TARBP1: variants seen among roughly 807,000 people sequenced by gnomAD.
The protein encoded by TARBP1 is tRNA guanosine 2 -O-methyltransferase TARBP1.
A neutral mutation model predicts 178.6 loss-of-function variants in TARBP1; 144 were observed. The observed-to-expected ratio is 0.81, with a 90% confidence interval of 0.70 to 0.93. TARBP1 has a LOEUF of 0.93. Among genes scored for constraint, TARBP1 ranks in the 40% least tolerant of loss-of-function variants. TARBP1 has a pLI of 0.00. For missense variants in TARBP1, 2,067 were observed against 2,011.7 expected (o/e 1.03, Z -0.53); for synonymous variants, 787 against 781.0 (o/e 1.01, Z -0.13).
At chr1:234,417,350 AAGAAT>A (rs1662539894) in intron 22 of TARBP1, among the ~76,000 whole-genome samples, 1 of 152,220 alleles carries the variant, frequency 6.6e-6, no homozygotes, top group Non-Finnish European at 1.5e-5. Context: ...TGTGAAAAAA[AAGAAT>A]AAGGATATCT....
intron 5 of TARBP1, among the ~76,000 whole-genome samples, chr1:234,464,996 A>G (rs1668278819): frequency 6.6e-6 from 1 of 152,192 alleles, no homozygotes; most frequent in African/African-American, 2.4e-5. Context: ...GTTAGAATGA[A>G]CCTTGCAGTA....
chr1:234,430,521 A>G (rs17378041), intron 14 of TARBP1, among the ~76,000 whole-genome samples: 5,299 of 152,310 alleles, frequency 0.035, 122 homozygotes, highest in Non-Finnish European at 0.044. Flanking sequence ...ATAAGAACTC[A>G]GCAATTTAGA....
intron 7 of TARBP1, 98 bp from the exon 8 acceptor site, chr1:234,459,424 T>TGCATTAGG: frequency 2.2e-6 from 2 of 888,966 alleles, no homozygotes; most frequent in Non-Finnish European, 1.7e-6. Flanking sequence ...CTACACTTCC[T>TGCATTAGG]AATGCAGAAA....
At chr1:234,457,919 T>A (rs1667443491) in intron 8 of TARBP1, among the ~76,000 whole-genome samples, 163 bp from the exon 9 acceptor site, 1 of 149,508 alleles carries the variant, frequency 6.7e-6, no homozygotes. Context: ...AGAAAGCAAA[T>A]AAAAAGAAAA....
intron 22 of TARBP1, among the ~76,000 whole-genome samples, chr1:234,412,960 G>A (rs1042459971): frequency 7.2e-5 from 11 of 152,164 alleles, no homozygotes; most frequent in Admixed American, 3.9e-4. Flanking sequence ...GAGGTTGGAT[G>A]AGCACTTGCA....
intron 24 of TARBP1, among the ~76,000 whole-genome samples, chr1:234,404,373 A>G (rs933652759): frequency 3.3e-5 from 5 of 152,252 alleles, no homozygotes; most frequent in African/African-American, 9.6e-5. Context: ...ATTAAATTAC[A>G]TAATAAAATA....
intron 8 of TARBP1, 32 bp from the exon 9 acceptor site, chr1:234,457,788 C>T: frequency 1.3e-6 from 2 of 1,526,502 alleles, no homozygotes; most frequent in Middle Eastern, 1.7e-4. Flanking sequence ...TTAAAAATTA[C>T]TCGTATTAAA....
chr1:234,421,219 G>C (rs1291872152), intron 20 of TARBP1, among the ~76,000 whole-genome samples: 1 of 152,082 alleles, frequency 6.6e-6, no homozygotes, highest in Admixed American at 6.6e-5. Flanking sequence ...CTCCCGAGTA[G>C]CTGGGACTAC....
intron 17 of TARBP1, 82 bp downstream of exon 17, chr1:234,429,054 T>C: frequency 7.8e-7 from 1 of 1,279,310 alleles, no homozygotes; most frequent in South Asian, 1.9e-5. Context: ...AAAATCTAAT[T>C]GTGAATACAA....
At chr1:234,441,264 T>C (rs1174990070) in intron 12 of TARBP1, among the ~76,000 whole-genome samples, 1 of 152,226 alleles carries the variant, frequency 6.6e-6, no homozygotes, top group Non-Finnish European at 1.5e-5. Flanking sequence ...CAAACTGATC[T>C]ATGCATTTAA....
chr1:234,407,829 T>C (rs1436631212), intron 23 of TARBP1: 1 of 152,228 alleles, frequency 6.6e-6, no homozygotes, highest in Non-Finnish European at 1.5e-5. Flanking sequence ...TCTCTGACTC[T>C]ACAAGATGCT....
chr1:234,471,141 G>A (rs1194381913), intron 3 of TARBP1, 47 bp downstream of exon 3: 2 of 1,397,080 alleles, frequency 1.4e-6, no homozygotes, highest in Non-Finnish European at 2.0e-6. Flanking sequence ...CAAAATCAGG[G>A]GAAAACCATA....
intron 12 of TARBP1, among the ~76,000 whole-genome samples, chr1:234,441,103 G>C (rs1178657532): frequency 1.3e-5 from 2 of 152,202 alleles, no homozygotes; most frequent in Admixed American, 1.3e-4. Context: ...AGGATTGCTT[G>C]AACATGGGAG....
In TARBP1 at chr1:234,393,584, A is replaced by G; in HGVS notation, c.4435+62T>C. On this transcript the variant is annotated intron_variant, in intron 27 of 29. Transcript: ENST00000040877. ...TTTGAAGCTCCCGTGGCAGTGGATT[A>G]ATTAAAAAATGTTGAAGACCAAAAG... 4 of 1,580,944 alleles carry G rather than the reference A, an allele frequency of 2.5e-6. No individual in the cohort carries two copies. In the South Asian group the frequency reaches 4.6e-5, roughly 18 times the overall value.
intron 3 of TARBP1, among the ~76,000 whole-genome samples, chr1:234,469,407 C>T (rs16843278): frequency 0.083 from 12,659 of 152,018 alleles, 912 homozygotes; most frequent in East Asian, 0.27. Flanking sequence ...TTCTCAAGAG[C>T]TGTGGGCAAA....
At position 234,478,246 on chromosome 1, in the gene TARBP1, GT is replaced by G; in HGVS notation, c.857del (p.Tyr286SerfsTer41). Reference protein sequence around the residue: ...ADALTRKRARYLLQRAVEVSA... With the variant: ...ADALTRKRARXLLQRAVEVSA... ...ACACCTCCACCGCCCTCTGCAGCAG[GT>G]AGCGCGCTCGCTTGCGCGTCAGGGC... On this transcript the variant is annotated frameshift_variant, in exon 1 of 30. Transcript: ENST00000040877. LOFTEE classifies it high-confidence loss of function. The G allele has an allele frequency of 1.2e-6, 2 of 1,610,026 alleles. No individual in the cohort carries two copies. Among genetic ancestry groups the G allele is most frequent in the Middle Eastern group, 3.5e-4 (2 of 5,716 alleles).
chr1:234,404,695 G>A (rs553059354), intron 24 of TARBP1, among the ~76,000 whole-genome samples: 17 of 152,124 alleles, frequency 1.1e-4, no homozygotes, highest in Non-Finnish European at 2.4e-4. Context: ...ACAGAACTGT[G>A]CACGATGTAC....
At chr1:234,418,039 A>C (rs1488411566) in intron 22 of TARBP1, 45 bp downstream of exon 22, 2 of 1,129,690 alleles carry the variant, frequency 1.8e-6, no homozygotes, top group Admixed American at 3.8e-5. Flanking sequence ...CATTGTCAAA[A>C]TCATGTCTTA....
intron 15 of TARBP1, 30 bp downstream of exon 15, chr1:234,430,057 T>C: frequency 6.3e-7 from 1 of 1,583,204 alleles, no homozygotes; most frequent in Non-Finnish European, 8.6e-7. Context: ...ACAACAGAAA[T>C]GGATTTTTAA....
Sources: allele counts gnomAD v4.1 joint callset (sites outside exome capture counted in the v4.1 genomes callset), GRCh38; gene constraint gnomAD v4.1.1; transcripts MANE v1.5; gene names NCBI Gene and HGNC (gene_info 2026-07-23, HGNC 2026-07-21).